MVB12A: variants seen among roughly 807,000 people sequenced by gnomAD.
MVB12A encodes the protein multivesicular body subunit 12A, also known as CIN85/CD2AP family binding protein.
Under a neutral mutation model 34.3 loss-of-function variants are expected in MVB12A, and 30 were observed. The ratio of observed to expected loss-of-function variants is 0.88; its 90% CI spans 0.65 to 1.19. The LOEUF (loss-of-function observed/expected upper bound fraction) is 1.19, where lower values mean the gene tolerates loss of function less well. MVB12A is among the 50% of genes most tolerant of loss of function. The pLI, the probability that MVB12A is intolerant of heterozygous loss-of-function variation, is 0.00. For synonymous variants in MVB12A, 158 were observed against 158.9 expected (o/e 0.99, Z 0.04); for missense variants, 355 against 369.2 (o/e 0.96, Z 0.31).
chr19:17,409,441 C>CT (rs781196057), intron 2 of MVB12A, among the ~76,000 whole-genome samples: 1,979 of 78,128 alleles, frequency 0.025, 26 homozygotes, highest in Non-Finnish European at 0.029. Context: ...TCTGCCATTA[C>CT]TTTTTTTTTT....
chr19:17,405,943 C>CT, intron 1 of MVB12A: 1 of 169,432 alleles, frequency 5.9e-6, no homozygotes, highest in Non-Finnish European at 1.3e-5. Context: ...CCTGAAGAGG[C>CT]AGAGGCCATC....
chr19:17,410,541 T>A (rs369841706), intron 2 of MVB12A, among the ~76,000 whole-genome samples: 1 of 99,560 alleles, frequency 1.0e-5, no homozygotes, highest in Admixed American at 1.0e-4. Context: ...CACACACACA[T>A]ATATATATAC....
At position 17,420,317 on chromosome 19, in the gene MVB12A, C is replaced by CG; in HGVS notation, c.95_96insG (p.Cys33LeufsTer25). The CG allele has an allele frequency of 6.2e-7, 1 of 1,610,030 alleles. No individual in the cohort carries two copies. Among genetic ancestry groups the CG allele is most frequent in the Non-Finnish European group, 8.5e-7 (1 of 1,178,450 alleles). On this transcript the variant is annotated frameshift_variant, in exon 2 of 9. Coordinates refer to ENST00000317040, the MANE Select transcript of MVB12A (RefSeq NM_138401.4). LOFTEE classifies it high-confidence loss of function. Reference sequence around the variant, plus strand: ...TGACCCGCGTCCTCCCGGTAGATCTCCTGCACCGTCGAGGGGGCACCCGCC... The same window carrying CG: ...TGACCCGCGTCCTCCCGGTAGATCTCGCTGCACCGTCGAGGGGGCACCCGCC...
rs2074859173 is a variant in MVB12A at position 17,424,664 on chromosome 19, A to G, written c.746A>G (p.Asp249Gly). The change falls in exon 8 of 9, where the codon GAC (aspartate) becomes GGC (glycine). Residue 249 changes from aspartate (D) to glycine (G), a missense_variant. Coordinates refer to ENST00000317040, the MANE Select transcript of MVB12A (RefSeq NM_138401.4). Reference protein sequence around the residue: ...FGDLTIKSLADIEEEYNYGFV... With the variant: ...FGDLTIKSLAGIEEEYNYGFV... ...GACCTGACCATCAAGTCTCTGGCGG[A>G]CATTGAGGAGGAGGTGGGTGCAGGG... The G allele has an allele frequency of 6.2e-7, 1 of 1,610,680 alleles. No homozygotes were observed. Among genetic ancestry groups the G allele is most frequent in the Non-Finnish European group, 8.5e-7 (1 of 1,178,190 alleles).
chr19:17,412,343 T>C (rs763821282), intron 2 of MVB12A, among the ~76,000 whole-genome samples: 28 of 152,214 alleles, frequency 1.8e-4, no homozygotes, highest in Non-Finnish European at 3.7e-4. Flanking sequence ...CTTGGCTCTC[T>C]GCAACCTCTG....
chr19:17,423,361 A>AC, intron 4 of MVB12A, 137 bp from the exon 5 acceptor site: 1 of 144,958 alleles, frequency 6.9e-6, no homozygotes, highest in Non-Finnish European at 1.3e-5. Context: ...CTCCGTCCCC[A>AC]AAAAAAAAAA....
chr19:17,415,728 T>TTAAC (rs2074795690), upstream of MVB12A: 1 of 139,622 alleles, frequency 7.2e-6, no homozygotes, highest in African/African-American at 2.8e-5. Flanking sequence ...GGACTCTTAA[T>TTAAC]TCGTCTCGAA....
rs373246115 is a variant in MVB12A at position 17,413,776 on chromosome 19, A to G, written c.-5+7480A>G. Among the ~76,000 whole-genome samples, 20 of 152,316 alleles carry G rather than the reference A, an allele frequency of 1.3e-4. No individual in the cohort carries two copies. The East Asian group carries it at 2.3e-3, about 18-fold the overall frequency. Reference sequence around the variant, plus strand: ...GGCAAACTGCCTTTGGAAGGTCCTCATATTTTTATTTTCTTTGACAGGAAA... The same window carrying G: ...GGCAAACTGCCTTTGGAAGGTCCTCGTATTTTTATTTTCTTTGACAGGAAA... On this transcript the variant is annotated intron_variant, in intron 2 of 6. Coordinates refer to the MVB12A transcript ENST00000528604.
chr19:17,424,558 G>C, intron 7 of MVB12A, 63 bp from the exon 8 acceptor site: 2 of 1,554,742 alleles, frequency 1.3e-6, no homozygotes, highest in Non-Finnish European at 1.8e-6. Context: ...ACCCCTTGAA[G>C]ACGAAGGAAA....
intron 2 of MVB12A, chr19:17,414,487 G>A (rs2074787334): frequency 6.6e-6 from 1 of 152,270 alleles, no homozygotes; most frequent in South Asian, 2.1e-4. Flanking sequence ...ACCCACTGCA[G>A]ATATTTCCCT....
chr19:17,408,592 G>A (rs192595783), intron 2 of MVB12A, among the ~76,000 whole-genome samples: 3,173 of 149,776 alleles, frequency 0.021, 43 homozygotes, highest in South Asian at 0.055. Context: ...GATTACAGGC[G>A]CCCACCGCCA....
intron 4 of MVB12A, 156 bp downstream of exon 4, chr19:17,422,614 C>G (rs1175748863): frequency 3.1e-5 from 20 of 637,872 alleles, no homozygotes; most frequent in Non-Finnish European, 4.9e-5. Context: ...TATATATCAT[C>G]TTGTAGGACT....
intron 4 of MVB12A, chr19:17,422,877 A>G (rs2115072): frequency 0.93 from 142,172 of 152,798 alleles, 66,656 homozygotes; most frequent in Middle Eastern, 0.99. Context: ...TTGAACCTGG[A>G]AGGCGGAGGT....
intron 2 of MVB12A, chr19:17,413,324 C>T (rs1377157193): frequency 1.3e-5 from 2 of 152,448 alleles, no homozygotes; most frequent in Non-Finnish European, 2.9e-5. Context: ...CCCCCCACCC[C>T]TCACCTCAAC....
At position 17,425,275 on chromosome 19, in the gene MVB12A, T is replaced by C; in HGVS notation, c.*282T>C. The C allele has an allele frequency of 2.3e-6, 1 of 435,510 alleles. No homozygotes were observed. Among genetic ancestry groups the C allele is most frequent in the Non-Finnish European group, 4.1e-6 (1 of 244,428 alleles). 27.0% of individuals were successfully genotyped at this position (435,510 alleles called of 1,614,324 possible). A position where few individuals can be genotyped will look rare whatever the true frequency, so the allele number is the denominator to read the frequency against. On this transcript the variant is annotated 3_prime_UTR_variant, in exon 9 of 9. Coordinates refer to ENST00000317040, the MANE Select transcript of MVB12A (RefSeq NM_138401.4). ...TTAAGTCATTTGTGTCAAAACCCTC[T>C]GGGGTCCGGAGGCTGTGCGGGTGTC...
At chr19:17,423,431 C>T in intron 4 of MVB12A, 67 bp from the exon 5 acceptor site, 1 of 1,555,040 alleles carries the variant, frequency 6.4e-7, no homozygotes, top group Non-Finnish European at 8.7e-7. Flanking sequence ...CCGCCTTCTC[C>T]AGGGGCTATC....
chr19:17,422,223 ATGTGGCTGCCTTAAACAGCACCC>A, intron 3 of MVB12A, 86 bp from the exon 4 acceptor site: 1 of 1,006,912 alleles, frequency 9.9e-7, no homozygotes, highest in Non-Finnish European at 1.5e-6. Flanking sequence ...AATGTTGTCC[ATGTGGCTGCCTTAAACAGCACCC>A]TGGCGAGCCT....
Position 17,422,354 on chromosome 19 carries a change from A to G in MVB12A, c.309A>G (p.Lys103=). 1 of 1,612,398 alleles carries G rather than the reference A, an allele frequency of 6.2e-7. No individual in the cohort carries two copies. The highest frequency in any genetic ancestry group is 8.5e-7 in the Non-Finnish European group (1 of 1,179,146). ...MDSKASVSKK[K]RMCVKLLPLG... ...CAGAGGCCTCTGTGTCCAAGAAGAAACGCATGTGTGTGAAGCTGTTGCCCC... is the reference window on the plus strand; with the variant it reads ...CAGAGGCCTCTGTGTCCAAGAAGAAGCGCATGTGTGTGAAGCTGTTGCCCC... The change falls in exon 4 of 9, where the codon AAA becomes AAG. Residue 103 remains lysine, a synonymous_variant. Coordinates refer to ENST00000317040, the MANE Select transcript of MVB12A (RefSeq NM_138401.4).
At chr19:17,405,788 C>T in intron 1 of MVB12A, 1 of 497,374 alleles carries the variant, frequency 2.0e-6, no homozygotes, top group Non-Finnish European at 3.6e-6. Context: ...TTTTTTTTCA[C>T]CCTGCTTTAA....
Sources: allele counts gnomAD v4.1 joint callset (sites outside exome capture counted in the v4.1 genomes callset), GRCh38; gene constraint gnomAD v4.1.1; transcripts MANE v1.5; gene names NCBI Gene and HGNC (gene_info 2026-07-23, HGNC 2026-07-21).